RPL7: variants seen among roughly 807,000 people sequenced by gnomAD.
The protein encoded by RPL7 is ribosomal protein L7.
For missense variants in RPL7, 205 were observed against 301.9 expected (o/e 0.68, Z 2.38); for synonymous variants, 100 against 102.2 (o/e 0.98, Z 0.13).
chr8:73,293,537 C>T (rs2130345373), intron 1 of RPL7, 62 bp downstream of exon 1: 1 of 1,602,756 alleles, frequency 6.2e-7, no homozygotes, highest in South Asian at 1.1e-5. Flanking sequence ...GAAAAAGTGA[C>T]ACAAAAAGTA....
In RPL7 at chr8:73,292,867, A is replaced by T. The variant is rs142601994; in HGVS notation, c.15-70T>A. On this transcript the variant is annotated intron_variant, in intron 1 of 6. Coordinates refer to ENST00000352983, the MANE Select transcript of RPL7 (RefSeq NM_000971.4). Reference sequence around the variant, plus strand: ...ACAGCGCTGTATTACTCCCGTACTGAGCAGTGTTGTTTACCAGAAATGCTG... The same window carrying T: ...ACAGCGCTGTATTACTCCCGTACTGTGCAGTGTTGTTTACCAGAAATGCTG... 7.7e-4 allele frequency: 875 copies of T among 1,133,442 alleles called. 5 individuals carry two copies. In the African/African-American group the frequency reaches 0.012, roughly 16 times the overall value. 70.2% of individuals were successfully genotyped at this position (1,133,442 alleles called of 1,614,324 possible). A position where few individuals can be genotyped will look rare whatever the true frequency, so the allele number is the denominator to read the frequency against.
upstream of RPL7, chr8:73,294,313 ATGGC>A (rs889331343): frequency 2.0e-5 from 3 of 152,820 alleles, no homozygotes; most frequent in African/African-American, 7.2e-5. Flanking sequence ...CCGGAGGAGG[ATGGC>A]CGGGGCTCTG....
At chr8:73,293,868 T>C (rs1814177641), upstream of RPL7, 1 of 449,694 alleles carries the variant, frequency 2.2e-6, no homozygotes, top group East Asian at 4.4e-5. Flanking sequence ...GCTGACACCT[T>C]GGCAACTCCG....
At chr8:73,292,009 T>C in intron 3 of RPL7, 99 bp from the exon 4 acceptor site, 5 of 1,450,422 alleles carry the variant, frequency 3.4e-6, no homozygotes, top group East Asian at 2.3e-5. Flanking sequence ...CCTAAACAGA[T>C]AGGAATCCTC....
chr8:73,292,187 G>GA, intron 3 of RPL7, 52 bp downstream of exon 3: 2 of 1,291,554 alleles, frequency 1.5e-6, no homozygotes, highest in Non-Finnish European at 2.2e-6. Context: ...GTAATGTGAA[G>GA]GTTTTTTTTT....
At chr8:73,293,678 A>T (rs1028334212), upstream of RPL7, 5 of 1,597,000 alleles carry the variant, frequency 3.1e-6, no homozygotes, top group African/African-American at 6.7e-5. Context: ...TCGCGAGAGA[A>T]GCCCCACGAC....
At chr8:73,290,737 A>G in intron 6 of RPL7, 32 bp from the exon 7 acceptor site, 1 of 267,364 alleles carries the variant, frequency 3.7e-6, no homozygotes. Context: ...ATTAGAAAAC[A>G]CTTTAGGCAG....
At chr8:73,293,105 C>A in intron 1 of RPL7, 1 of 293,644 alleles carries the variant, frequency 3.4e-6, no homozygotes, top group Non-Finnish European at 6.2e-6. Flanking sequence ...CACCAACACC[C>A]GAATAACAAA....
rs1167893482 is a variant in RPL7, at chr8:73,291,042, C to T, written c.*1+1G>A. The stretch of plus-strand genomic sequence containing the variant: ...ACCTTTCTCAGGATGAGGTCTCTCA[C>T]CTTAGTTCATTCTTCTAATAAGCCT... On this transcript the variant is annotated splice_donor_variant, in intron 6 of 6. Transcript: ENST00000352983. LOFTEE classifies it low-confidence loss of function (3UTR_SPLICE). The T allele has an allele frequency of 1.2e-6, 2 of 1,606,188 alleles. No homozygotes were observed. Among genetic ancestry groups the T allele is most frequent in the Admixed American group, 1.7e-5 (1 of 60,014 alleles).
upstream of RPL7, chr8:73,294,368 C>CGGGAGGGGGCGTGAGCTGCGAA (rs1814198427): frequency 6.5e-6 from 1 of 152,790 alleles, no homozygotes. Flanking sequence ...GGACACCCCA[C>CGGGAGGGGGCGTGAGCTGCGAA]GGGAGGGGGC....
chr8:73,291,317 A>G lies in RPL7; in HGVS notation c.539-65T>C, dbSNP rs1384044539. 4 of 1,282,420 alleles carry G rather than the reference A, an allele frequency of 3.1e-6. No individual in the cohort carries two copies. The African/African-American group carries it at 6.0e-5, about 19-fold the overall frequency. The allele number at this position is 1,282,420 out of a possible 1,614,324, so 79.4% of individuals were successfully genotyped here. ...AAAAGTTTTGAAATAATTATTCAAAATCTTTTTGAATAGGCTGTGAGATGA... is the reference window on the plus strand; with the variant it reads ...AAAAGTTTTGAAATAATTATTCAAAGTCTTTTTGAATAGGCTGTGAGATGA... On this transcript the variant is annotated intron_variant, in intron 5 of 6. Coordinates refer to ENST00000352983, the MANE Select transcript of RPL7 (RefSeq NM_000971.4).
intron 5 of RPL7, 131 bp from the exon 6 acceptor site, chr8:73,291,383 C>T (rs1814091221): frequency 1.2e-6 from 1 of 866,376 alleles, no homozygotes; most frequent in Admixed American, 2.8e-5. Context: ...CATGGCTTTA[C>T]AAAGATAAGG....
At position 73,291,909 on chromosome 8, in the gene RPL7, T is replaced by C. The variant is rs147209450; in HGVS notation, c.292A>G (p.Ile98Val). Residue 98 changes from isoleucine to valine, a missense_variant and splice_region_variant, in exon 4 of 7, where the codon ATC (isoleucine) becomes GTC (valine). By Grantham distance (29) the Ile-to-Val change is conservative (BLOSUM62 3). Coordinates refer to ENST00000352983, the MANE Select transcript of RPL7 (RefSeq NM_000971.4). ...CGAACCTTTGGGCTCACTCCATTGATACTGTGGTGAAAACGGACCAGAAAT... is the reference window on the plus strand; with the variant it reads ...CGAACCTTTGGGCTCACTCCATTGACACTGTGGTGAAAACGGACCAGAAAT... Reference protein sequence around the residue: ...KLAFVIRIRGINGVSPKVRKV... With the variant: ...KLAFVIRIRGVNGVSPKVRKV... 33 of 1,611,150 alleles carry C rather than the reference T, an allele frequency of 2.0e-5. No homozygotes were observed. The highest frequency in any genetic ancestry group is 2.7e-5 in the African/African-American group (2 of 74,914).
At chr8:73,291,001 C>T (rs1181093046) in intron 6 of RPL7, 42 bp downstream of exon 6, 3 of 1,453,636 alleles carry the variant, frequency 2.1e-6, no homozygotes, top group South Asian at 1.1e-5. Context: ...ACCACTTATA[C>T]TCTAACATTA....
chr8:73,293,856 G>C, upstream of RPL7: 1 of 482,528 alleles, frequency 2.1e-6, no homozygotes, highest in South Asian at 2.1e-5. Context: ...AGAGCAAAGA[G>C]TGCTGACACC....
rs762451859 is a variant in RPL7 at position 73,291,130 on chromosome 8, T to G, written c.661A>C (p.Lys221Gln). 1.2e-6 allele frequency: 2 copies of G among 1,607,576 alleles called. No individual in the cohort carries two copies. The highest frequency in any genetic ancestry group is 1.7e-6 in the Non-Finnish European group (2 of 1,174,744). ...TCTACAAAATGGGTGGTCTTTTTCT[T>G]CATTCCACCTCGTGGAGAAGACAAT... ...FKLSSPRGGM[K>Q]KKTTHFVEGG... The change falls in exon 6 of 7, where the codon AAG (lysine) becomes CAG (glutamine). Residue 221 changes from lysine (K) to glutamine (Q), a missense_variant. Transcript: ENST00000352983.
intron 1 of RPL7, chr8:73,293,175 A>T (rs1209066088): frequency 1.3e-5 from 3 of 229,420 alleles, no homozygotes; most frequent in Admixed American, 5.4e-5. Flanking sequence ...CGCAAAAATT[A>T]AAAAATAAAA....
At chr8:73,291,502 A>T in intron 5 of RPL7, 50 bp downstream of exon 5, 1 of 1,333,524 alleles carries the variant, frequency 7.5e-7, no homozygotes, top group Non-Finnish European at 1.1e-6. Context: ...CAAGAGGGTA[A>T]GAAATTATCG....
intron 1 of RPL7, 83 bp downstream of exon 1, chr8:73,293,516 G>A (rs1814164198): frequency 9.7e-6 from 15 of 1,542,126 alleles, no homozygotes; most frequent in Admixed American, 7.0e-5. Context: ...TGCAAGCTAC[G>A]GCCAGAGAGA....
Sources: allele counts gnomAD v4.1 joint callset, GRCh38; gene constraint gnomAD v4.1.1; transcripts MANE v1.5; gene names NCBI Gene and HGNC (gene_info 2026-07-23, HGNC 2026-07-21).